Variants in COPS4 observed in about 807,000 individuals in gnomAD.
COPS4 encodes COP9 signalosome complex subunit 4.
COPS4 carries 8 observed loss-of-function variants against 55.1 expected under a neutral mutation model. The ratio of observed to expected loss-of-function variants is 0.15; its 90% CI spans 0.09 to 0.26. The LOEUF (loss-of-function observed/expected upper bound fraction) is 0.26, where lower values mean the gene tolerates loss of function less well. Ranked by LOEUF, COPS4 falls within the 10% of genes least tolerant of loss-of-function variation. COPS4 has a pLI of 1.00. For synonymous variants in COPS4, 185 were observed against 165.7 expected (o/e 1.12, Z -0.90); for missense variants, 248 against 484.0 (o/e 0.51, Z 4.58).
At chr4:83,043,713 A>G (rs1730629144) in intron 1 of COPS4, among the ~76,000 whole-genome samples, 2 of 152,134 alleles carry the variant, frequency 1.3e-5, no homozygotes, top group Admixed American at 1.3e-4. Context: ...AATAAAAAAT[A>G]ACAAACCATT....
intron 1 of COPS4, among the ~76,000 whole-genome samples, chr4:83,039,136 G>A (rs2126127113): frequency 6.6e-6 from 1 of 152,288 alleles, no homozygotes; most frequent in East Asian, 1.9e-4. Context: ...GGGCCCAGCT[G>A]TATGGTTCTT....
chr4:83,059,934 C>G lies in COPS4; in HGVS notation c.715+2526C>G, dbSNP rs555486926. Among the ~76,000 whole-genome samples, 981 of 152,132 alleles carry G rather than the reference C, an allele frequency of 6.4e-3. 11 individuals carry two copies. Among genetic ancestry groups the G allele is most frequent in the African/African-American group, 0.022 (929 of 41,510 alleles). ...GCCAGGATGGTCTCGATCTCCTGAC[C>G]TTGTGATCCGCCCTCCTCCGCCTTC... On this transcript the variant is annotated intron_variant, in intron 6 of 9. Coordinates refer to ENST00000264389, the MANE Select transcript of COPS4 (RefSeq NM_016129.3).
rs1274535814 is a variant in COPS4, at chr4:83,035,331, G to C, written c.74+33G>C. On this transcript the variant is annotated intron_variant, in intron 1 of 9. Transcript: ENST00000264389. ...TTTCCCAGGAACGCGGGAGTACAGA[G>C]GTGGGGAAAGAAAGCCACAGCCTTA... 3 of 1,488,048 alleles carry C rather than the reference G, an allele frequency of 2.0e-6. No individual in the cohort carries two copies. In the East Asian group the frequency reaches 8.0e-5, roughly 40 times the overall value. The allele number at this position is 1,488,048 out of a possible 1,614,324, so 92.2% of individuals were successfully genotyped here. A position where few individuals can be genotyped will look rare whatever the true frequency, so the allele number is the denominator to read the frequency against.
At chr4:83,063,752 C>T (rs1248924373) in intron 7 of COPS4, among the ~76,000 whole-genome samples, 2 of 149,406 alleles carry the variant, frequency 1.3e-5, no homozygotes, top group Non-Finnish European at 1.5e-5. Context: ...TCTTGTCGCC[C>T]AGGCTGGAGT....
intron 9 of COPS4, among the ~76,000 whole-genome samples, chr4:83,071,426 T>TG (rs1429405180): frequency 1.3e-5 from 2 of 151,746 alleles, no homozygotes; most frequent in East Asian, 3.9e-4. Context: ...GTTATAATGA[T>TG]TTTTTTTTCT....
chr4:83,064,996 T>C (rs1291332284), intron 7 of COPS4: 1 of 441,666 alleles, frequency 2.3e-6, no homozygotes, highest in Non-Finnish European at 4.3e-6. Context: ...TCCTTCTACC[T>C]CCACCTCCCC....
intron 9 of COPS4, among the ~76,000 whole-genome samples, chr4:83,071,415 T>C (rs1731427970): frequency 6.6e-6 from 1 of 152,190 alleles, no homozygotes; most frequent in East Asian, 1.9e-4. Flanking sequence ...CTGTAGCTTT[T>C]GTTATAATGA....
rs1243827863 is a variant in COPS4, at chr4:83,044,491, G to C, written c.75-1135G>C. Among the ~76,000 whole-genome samples the C allele has an allele frequency of 1.4e-4, 19 of 132,246 alleles. No individual in the cohort carries two copies. The Admixed American group carries it at 1.5e-3, about 10-fold the overall frequency. 86.8% of individuals were successfully genotyped at this position (132,246 alleles called of 152,430 possible). On this transcript the variant is annotated intron_variant, in intron 1 of 9. Coordinates refer to ENST00000264389, the MANE Select transcript of COPS4 (RefSeq NM_016129.3). ...ATTAAGACAAAAGAGATAAAGATTA[G>C]TATAGGCCGGGCACGGTGGCTAACG...
rs1731236347 is a variant in COPS4, at chr4:83,063,928, G to A, written c.886+682G>A. 6.6e-5 allele frequency among the ~76,000 whole-genome samples: 10 copies of A among 152,076 alleles called. No individual in the cohort carries two copies. The South Asian group carries it at 2.1e-3, about 32-fold the overall frequency. On this transcript the variant is annotated intron_variant, in intron 7 of 9. Transcript: ENST00000264389. Reference sequence around the variant, plus strand: ...TTGCTCAGGCTGATCTCGGACTCCTGACCTCAGGTGATTCGCCCCCCTCAG... The same window carrying A: ...TTGCTCAGGCTGATCTCGGACTCCTAACCTCAGGTGATTCGCCCCCCTCAG...
rs376441994 is a variant in COPS4 at position 83,035,198 on chromosome 4, C to G, written c.-27C>G. The G allele has an allele frequency of 6.5e-7, 1 of 1,539,080 alleles. No individual in the cohort carries two copies. The highest frequency in any genetic ancestry group is 8.8e-7 in the Non-Finnish European group (1 of 1,131,838). On this transcript the variant is annotated 5_prime_UTR_variant, in exon 1 of 10. Transcript: ENST00000264389. Reference sequence around the variant, plus strand: ...TTTCTTTTTGGCTGCCAGAGGCCCCCGCATCCACCGCTGAGCTGGGAGAAA... The same window carrying G: ...TTTCTTTTTGGCTGCCAGAGGCCCCGGCATCCACCGCTGAGCTGGGAGAAA...
At chr4:83,073,395 C>T in intron 9 of COPS4, 1 of 550,890 alleles carries the variant, frequency 1.8e-6, no homozygotes, top group African/African-American at 1.9e-5. Flanking sequence ...AATAGCATTT[C>T]ATTGGATGTA....
At chr4:83,058,194 G>A (rs773337133) in intron 6 of COPS4, among the ~76,000 whole-genome samples, 111 of 152,052 alleles carry the variant, frequency 7.3e-4, no homozygotes, top group Middle Eastern at 3.4e-3. Context: ...CACTTATGAA[G>A]TAGAATGGGT....
At chr4:83,051,137 G>A (rs930009003) in intron 4 of COPS4, among the ~76,000 whole-genome samples, 1 of 150,828 alleles carries the variant, frequency 6.6e-6, no homozygotes, top group African/African-American at 2.4e-5. Context: ...GATGGCACAT[G>A]CCTGTAGTCC....
At chr4:83,069,655 A>C (rs1371850544) in intron 9 of COPS4, among the ~76,000 whole-genome samples, 1 of 152,218 alleles carries the variant, frequency 6.6e-6, no homozygotes, top group African/African-American at 2.4e-5. Flanking sequence ...TCAAAGGGGA[A>C]AAAAGCCATC....
intron 9 of COPS4, among the ~76,000 whole-genome samples, chr4:83,072,031 T>C (rs556670098): frequency 5.9e-5 from 9 of 152,134 alleles, no homozygotes; most frequent in South Asian, 2.1e-4. Flanking sequence ...AATTTTAACT[T>C]TATCTGTAAT....
chr4:83,043,408 A>G (rs897733278), intron 1 of COPS4, among the ~76,000 whole-genome samples: 57 of 150,996 alleles, frequency 3.8e-4, no homozygotes, highest in African/African-American at 1.4e-3. Flanking sequence ...AGTCCTAGCT[A>G]CTCAGGAGGC....
intron 9 of COPS4, 90 bp from the exon 10 acceptor site, chr4:83,075,207 T>C (rs113112478): frequency 9.0e-7 from 1 of 1,110,854 alleles, no homozygotes. Flanking sequence ...CTTCCAAGAA[T>C]AGGCATGTAA....
chr4:83,044,309 G>A (rs1578704591), intron 1 of COPS4, among the ~76,000 whole-genome samples: 1 of 152,072 alleles, frequency 6.6e-6, no homozygotes, highest in Non-Finnish European at 1.5e-5. Flanking sequence ...GCCGCACTTG[G>A]TGGTGCATGC....
chr4:83,062,893 A>T (rs1270484281), intron 6 of COPS4, 183 bp from the exon 7 acceptor site: 2 of 482,786 alleles, frequency 4.1e-6, no homozygotes, highest in Non-Finnish European at 7.2e-6. Flanking sequence ...TTCCCATAGG[A>T]GCAGCAGTTT....
Sources: allele counts gnomAD v4.1 joint callset (sites outside exome capture counted in the v4.1 genomes callset), GRCh38; gene constraint gnomAD v4.1.1; transcripts MANE v1.5; gene names NCBI Gene and HGNC (gene_info 2026-07-23, HGNC 2026-07-21).